The following CNTNAP2 variants were observed in gnomAD, a reference collection of about 807,000 sequenced individuals.
The protein encoded by CNTNAP2 is contactin-associated protein-like 2.
CNTNAP2 carries 98 observed loss-of-function variants against 155.2 expected under a neutral mutation model. That is an observed-to-expected ratio of 0.63 (90% CI 0.54 to 0.75). CNTNAP2 has a LOEUF of 0.75. Ranked by LOEUF, CNTNAP2 falls within the 30% of genes least tolerant of loss-of-function variation. CNTNAP2 has a pLI of 0.00. For missense variants in CNTNAP2, 1,727 were observed against 1,688.1 expected (o/e 1.02, Z -0.40); for synonymous variants, 651 against 631.2 (o/e 1.03, Z -0.47).
chr7:146,149,830 G>A (rs2116772854), intron 1 of CNTNAP2, among the ~76,000 whole-genome samples: 1 of 145,820 alleles, frequency 6.9e-6, no homozygotes, highest in Middle Eastern at 3.6e-3. Context: ...TCCTGGACCT[G>A]AGCTAGGCAA....
chr7:147,370,006 G>T (rs1367942648), intron 9 of CNTNAP2, among the ~76,000 whole-genome samples: 1 of 152,116 alleles, frequency 6.6e-6, no homozygotes, highest in Non-Finnish European at 1.5e-5. Context: ...AGCCCTTGTT[G>T]CTTCCTGTAG....
rs772042502 is a variant in CNTNAP2, at chr7:147,622,252, AC to A, written c.1898-16853del. Among the ~76,000 whole-genome samples, 10 of 152,128 alleles carry A rather than the reference AC, an allele frequency of 6.6e-5. 1 individual carries two copies. Among genetic ancestry groups the A allele is most frequent in the African/African-American group, 1.4e-4 (6 of 41,570 alleles). On this transcript the variant is annotated intron_variant, in intron 12 of 23. Coordinates refer to ENST00000361727, the MANE Select transcript of CNTNAP2 (RefSeq NM_014141.6). ...TTCTGGACAGGTAATAAACAAAAAA[AC>A]ATCAGACTTAATCTTCTCTTTAGAC...
intron 11 of CNTNAP2, among the ~76,000 whole-genome samples, chr7:147,493,742 A>C (rs1450749192): frequency 6.6e-6 from 1 of 152,226 alleles, no homozygotes; most frequent in Admixed American, 6.5e-5. Context: ...ACGCTTACAA[A>C]ATATGGATAC....
At chr7:148,301,514 G>T (rs1353875292) in intron 21 of CNTNAP2, among the ~76,000 whole-genome samples, 1 of 151,898 alleles carries the variant, frequency 6.6e-6, no homozygotes, top group Non-Finnish European at 1.5e-5. Context: ...GTCCTCATGG[G>T]GTTTAGCAGC....
At chr7:146,932,893 C>A (rs1286154546) in intron 3 of CNTNAP2, among the ~76,000 whole-genome samples, 7 of 151,974 alleles carry the variant, frequency 4.6e-5, no homozygotes. Context: ...ATGTGAAGGA[C>A]CTCTTCAAGG....
intron 11 of CNTNAP2, among the ~76,000 whole-genome samples, chr7:147,547,157 T>G (rs1358518211): frequency 6.6e-6 from 1 of 152,188 alleles, no homozygotes; most frequent in African/African-American, 2.4e-5. Context: ...TGTCATAAAG[T>G]CATCTTCAAT....
At position 147,811,681 on chromosome 7, in the gene CNTNAP2, C is replaced by G. The variant is rs560540261; in HGVS notation, c.2099-91884C>G. ...GGAGCTTGAAAACACTGTATCCATC[C>G]TTTGACAGATCCATTTAGCCTAATT... is the stretch of plus-strand genomic sequence containing the variant. On this transcript the variant is annotated intron_variant, in intron 13 of 23. Transcript: ENST00000361727. 5.3e-5 allele frequency among the ~76,000 whole-genome samples: 8 copies of G among 152,210 alleles called. No individual in the cohort carries two copies. The South Asian group carries it at 1.7e-3, about 32-fold the overall frequency.
intron 1 of CNTNAP2, among the ~76,000 whole-genome samples, chr7:146,370,295 C>T (rs974542904): frequency 1.5e-4 from 22 of 144,610 alleles, no homozygotes; most frequent in Middle Eastern, 3.5e-3. Context: ...AAAAATTAGC[C>T]GGCGTGACAG....
intron 1 of CNTNAP2, among the ~76,000 whole-genome samples, chr7:146,725,652 G>A (rs1298880222): frequency 1.3e-5 from 2 of 151,920 alleles, no homozygotes; most frequent in Non-Finnish European, 2.9e-5. Flanking sequence ...ACCAAAGATT[G>A]GCCTTTCCAG....
rs755759477 is a variant in CNTNAP2 at position 146,756,880 on chromosome 7, C to T, written c.98-17391C>T. On this transcript the variant is annotated intron_variant, in intron 1 of 23. Transcript: ENST00000361727. ...AGTACTAAACATTTGTGTTATAACA[C>T]GTATATATGTAATTTTTCAGAACTG... is the stretch of plus-strand genomic sequence containing the variant. 6.1e-4 allele frequency among the ~76,000 whole-genome samples: 93 copies of T among 151,952 alleles called. 1 individual carries two copies. Among genetic ancestry groups the T allele is most frequent in the Non-Finnish European group, 1.0e-3 (71 of 67,956 alleles).
chr7:147,499,877 T>C (rs1798779542), intron 11 of CNTNAP2, among the ~76,000 whole-genome samples: 1 of 152,166 alleles, frequency 6.6e-6, no homozygotes, highest in Non-Finnish European at 1.5e-5. Flanking sequence ...CTGTGCTTTC[T>C]ACAGTGTGAT....
chr7:147,105,017 C>T (rs1584846035), intron 4 of CNTNAP2, among the ~76,000 whole-genome samples: 1 of 149,820 alleles, frequency 6.7e-6, no homozygotes, highest in Non-Finnish European at 1.5e-5. Context: ...GGTGATTTTT[C>T]GTGGTTGGGA....
At chr7:146,892,033 C>T (rs1795788496) in intron 3 of CNTNAP2, among the ~76,000 whole-genome samples, 1 of 152,086 alleles carries the variant, frequency 6.6e-6, no homozygotes, top group Non-Finnish European at 1.5e-5. Flanking sequence ...TAGCTTTAAA[C>T]AACAGCAGCA....
intron 1 of CNTNAP2, among the ~76,000 whole-genome samples, chr7:146,647,217 G>A (rs1001994109): frequency 1.3e-5 from 2 of 152,150 alleles, no homozygotes; most frequent in Non-Finnish European, 2.9e-5. Flanking sequence ...CTCCCTCGCT[G>A]TTTGACAGCA....
chr7:146,763,773 A>G (rs567808051), intron 1 of CNTNAP2, among the ~76,000 whole-genome samples: 37 of 152,332 alleles, frequency 2.4e-4, no homozygotes, highest in African/African-American at 8.2e-4. Context: ...AATGAAGATC[A>G]TATTATAAAT....
At chr7:148,115,099 C>G (rs1256610082) in intron 15 of CNTNAP2, among the ~76,000 whole-genome samples, 2 of 152,194 alleles carry the variant, frequency 1.3e-5, no homozygotes, top group East Asian at 1.9e-4. Context: ...ATGACTTCCC[C>G]GTGAATGAGT....
chr7:147,983,096 G>T (rs550220000), intron 15 of CNTNAP2, among the ~76,000 whole-genome samples: 1 of 149,846 alleles, frequency 6.7e-6, no homozygotes, highest in East Asian at 2.0e-4. Context: ...CTGTACCAAT[G>T]AAACATTTCC....
chr7:147,483,381 A>G (rs1450921617), intron 10 of CNTNAP2, among the ~76,000 whole-genome samples: 1 of 152,136 alleles, frequency 6.6e-6, no homozygotes, highest in East Asian at 1.9e-4. Flanking sequence ...ATTGGTGTGG[A>G]ACAATCCCCT....
intron 1 of CNTNAP2, among the ~76,000 whole-genome samples, chr7:146,660,742 T>A (rs1800073274): frequency 6.6e-6 from 1 of 152,362 alleles, no homozygotes; most frequent in Admixed American, 6.5e-5. Context: ...CATTATGACT[T>A]AAGGGCTTCT....
Sources: allele counts gnomAD v4.1 joint callset (sites outside exome capture counted in the v4.1 genomes callset), GRCh38; gene constraint gnomAD v4.1.1; transcripts MANE v1.5; gene names NCBI Gene and HGNC (gene_info 2026-07-23, HGNC 2026-07-21).